The following GPHN variants were observed in gnomAD, a reference collection of about 807,000 sequenced individuals.
The protein encoded by GPHN is gephyrin.
GPHN carries 17 observed loss-of-function variants against 95.5 expected under a neutral mutation model. The observed-to-expected ratio is 0.18, with a 90% CI of 0.12 to 0.27. The LOEUF is 0.27. Ranked by LOEUF, GPHN falls within the 10% of genes least tolerant of loss-of-function variation. The pLI is 1.00. For synonymous variants in GPHN, 320 were observed against 322.5 expected, an observed-to-expected ratio of 0.99 and a Z score of 0.08; for missense variants, 660 against 978.1, an observed-to-expected ratio of 0.67 and a Z score of 4.34.
intron 20 of GPHN, 58 bp downstream of exon 20, chr14:67,165,284 G>A (rs2082209058): frequency 9.0e-7 from 1 of 1,115,352 alleles, no homozygotes; most frequent in South Asian, 1.2e-5. Context: ...AAATTTTTTG[G>A]ACTTCTCATG....
intron 8 of GPHN, among the ~76,000 whole-genome samples, chr14:66,950,116 C>T (rs957611104): frequency 9.9e-5 from 15 of 151,574 alleles, no homozygotes; most frequent in African/African-American, 3.4e-4. Flanking sequence ...AATTCACAGT[C>T]AAAATTACAT....
chr14:66,534,031 G>C (rs2059040479), intron 1 of GPHN, among the ~76,000 whole-genome samples: 2 of 152,102 alleles, frequency 1.3e-5, no homozygotes, highest in Admixed American at 1.3e-4. Context: ...TCCTGGTCTT[G>C]GGTATTTTTG....
intron 2 of GPHN, among the ~76,000 whole-genome samples, chr14:66,766,933 C>T (rs1185829913): frequency 1.3e-5 from 2 of 151,872 alleles, no homozygotes; most frequent in African/African-American, 4.8e-5. Context: ...ATTATTTCCC[C>T]CCATTTTTAA....
chr14:67,672,686 G>A, the GPHN span, among the ~76,000 whole-genome samples: 2 of 145,158 alleles, frequency 1.4e-5, no homozygotes, highest in East Asian at 2.1e-4. Context: ...CAAGTGATCC[G>A]CCCGCCTCGG....
chr14:66,508,657 C>A, intron 1 of GPHN, 66 bp downstream of exon 1: 1 of 1,362,822 alleles, frequency 7.3e-7, no homozygotes, highest in Non-Finnish European at 1.1e-6. Context: ...GGCTTTTCGC[C>A]TGTGGTGGCC....
chr14:66,730,024 G>C (rs1043459917), intron 2 of GPHN, among the ~76,000 whole-genome samples: 1 of 152,186 alleles, frequency 6.6e-6, no homozygotes, highest in African/African-American at 2.4e-5. Context: ...CATATGCTTT[G>C]TCTACTCTTG....
chr14:67,441,818 G>A, the GPHN span: 2 of 152,122 alleles, frequency 1.3e-5, no homozygotes, highest in African/African-American at 2.4e-5. Flanking sequence ...TTCTCGGACT[G>A]GAACTCACAG....
At chr14:67,231,371 A>G in the GPHN span, among the ~76,000 whole-genome samples, 1 of 152,234 alleles carries the variant, frequency 6.6e-6, no homozygotes, top group Middle Eastern at 3.4e-3. Context: ...GTGCAGTGGC[A>G]CTGTAACCTC....
At chr14:67,243,403 G>A in the GPHN span, among the ~76,000 whole-genome samples, 2 of 151,326 alleles carry the variant, frequency 1.3e-5, no homozygotes, top group South Asian at 2.1e-4. Flanking sequence ...GGCCAGGCTG[G>A]CCTCGAACTC....
chr14:67,587,176 G>T, the GPHN span: 1 of 1,613,848 alleles, frequency 6.2e-7, no homozygotes, highest in South Asian at 1.1e-5. Flanking sequence ...GTGGGAACTG[G>T]ATGGACGACA....
the GPHN span, among the ~76,000 whole-genome samples, chr14:67,394,570 G>A: frequency 6.6e-6 from 1 of 152,188 alleles, no homozygotes; most frequent in African/African-American, 2.4e-5. Context: ...ACCCATAGGA[G>A]GTGTACAGTC....
chr14:66,776,551 A>C, intron 3 of GPHN, 30 bp downstream of exon 3: 1 of 1,279,090 alleles, frequency 7.8e-7, no homozygotes, highest in Non-Finnish European at 1.1e-6. Context: ...ACCTCTACAA[A>C]CATTTAGCAT....
chr14:67,593,534 C>A, the GPHN span: 6 of 537,252 alleles, frequency 1.1e-5, no homozygotes, highest in African/African-American at 1.9e-5. Flanking sequence ...GGAAAAAATG[C>A]CAGTGATAAT....
chr14:67,566,671 C>T, the GPHN span, among the ~76,000 whole-genome samples: 2 of 151,432 alleles, frequency 1.3e-5, no homozygotes, highest in Admixed American at 6.6e-5. Flanking sequence ...AAGTTTGAGC[C>T]CAGGGAGGTG....
At chr14:67,679,771 A>G in the GPHN span, among the ~76,000 whole-genome samples, 1 of 152,180 alleles carries the variant, frequency 6.6e-6, no homozygotes, top group African/African-American at 2.4e-5. Context: ...ATTCTGACTC[A>G]TTTTTGTATT....
the GPHN span, among the ~76,000 whole-genome samples, chr14:67,517,015 GC>G: frequency 6.6e-5 from 10 of 152,192 alleles, no homozygotes; most frequent in African/African-American, 2.4e-4. Context: ...CACACAGTAG[GC>G]TTTGGATAAC....
At chr14:66,876,976 G>T (rs1457524850) in intron 4 of GPHN, among the ~76,000 whole-genome samples, 1 of 152,096 alleles carries the variant, frequency 6.6e-6, no homozygotes, top group Admixed American at 6.6e-5. Flanking sequence ...GAGGAACATG[G>T]ATGCATAAAT....
At chr14:66,855,255 C>T (rs912224376) in intron 4 of GPHN, among the ~76,000 whole-genome samples, 5 of 152,200 alleles carry the variant, frequency 3.3e-5, no homozygotes, top group African/African-American at 1.2e-4. Flanking sequence ...ACCCCAGAAA[C>T]TCTGTAACCT....
At chr14:66,616,516 T>G (rs1218889197) in intron 1 of GPHN, among the ~76,000 whole-genome samples, 1 of 151,872 alleles carries the variant, frequency 6.6e-6, no homozygotes, top group Non-Finnish European at 1.5e-5. Context: ...TCAGGCCCTA[T>G]ACATGTGGTT....
Sources: allele counts gnomAD v4.1 joint callset (sites outside exome capture counted in the v4.1 genomes callset), GRCh38; gene constraint gnomAD v4.1.1; transcripts MANE v1.5; gene names NCBI Gene and HGNC (gene_info 2026-07-23, HGNC 2026-07-21).